The following CADPS2 variants were observed in gnomAD, a reference collection of about 807,000 sequenced individuals.
CADPS2 encodes calcium-dependent secretion activator 2.
CADPS2 carries 93 observed loss-of-function variants against 172.5 expected under a neutral mutation model. The observed-to-expected ratio is 0.54, with a 90% confidence interval of 0.46 to 0.64. CADPS2 has a LOEUF of 0.64. Among genes scored for constraint, CADPS2 ranks in the 30% least tolerant of loss-of-function variants. The pLI is 0.00. For synonymous variants in CADPS2, 546 were observed against 555.2 expected, an observed-to-expected ratio of 0.98 and a Z score of 0.23; for missense variants, 1,420 against 1,565.9, an observed-to-expected ratio of 0.91 and a Z score of 1.57.
chr7:122,565,485 T>C (rs1158266312), intron 7 of CADPS2, among the ~76,000 whole-genome samples: 1 of 152,182 alleles, frequency 6.6e-6, no homozygotes, highest in Non-Finnish European at 1.5e-5. Context: ...GCCTCATGGC[T>C]ACTATGGCAG....
chr7:122,483,417 T>C (rs184509540), intron 11 of CADPS2, among the ~76,000 whole-genome samples: 155 of 152,060 alleles, frequency 1.0e-3, no homozygotes, highest in Non-Finnish European at 2.0e-3. Flanking sequence ...TTTTCGTATA[T>C]AAAGAAGCTA....
intron 25 of CADPS2, among the ~76,000 whole-genome samples, chr7:122,361,756 C>T (rs928024420): frequency 6.6e-6 from 1 of 152,020 alleles, no homozygotes; most frequent in South Asian, 2.1e-4. Flanking sequence ...TTTTCTACAT[C>T]TACACAGGAG....
At chr7:122,408,180 A>AT (rs35514146) in intron 19 of CADPS2, among the ~76,000 whole-genome samples, 13,778 of 141,388 alleles carry the variant, frequency 0.097, 859 homozygotes, top group African/African-American at 0.19. Flanking sequence ...ATATACTGTT[A>AT]TTTTTTTTTT....
intron 20 of CADPS2, among the ~76,000 whole-genome samples, chr7:122,407,248 T>TCCACTCCTA (rs2046761303): frequency 6.6e-6 from 1 of 152,162 alleles, no homozygotes; most frequent in Non-Finnish European, 1.5e-5. Context: ...TTTGAAGATT[T>TCCACTCCTA]TCAGATTCAT....
intron 19 of CADPS2, among the ~76,000 whole-genome samples, chr7:122,408,249 C>T (rs2046901168): frequency 1.3e-5 from 2 of 151,226 alleles, no homozygotes; most frequent in East Asian, 1.9e-4. Context: ...TCAATGATAG[C>T]GTAGTAAATA....
chr7:122,461,279 A>G lies in CADPS2; in HGVS notation c.2187-9804T>C, dbSNP rs150005022. On this transcript the variant is annotated intron_variant, in intron 14 of 29. Coordinates refer to ENST00000449022, the MANE Select transcript of CADPS2 (RefSeq NM_017954.11). ...TGGGTAATTGGAGCTTCAGATGAGAAGAAAAAGATTGTAGAAGAGACAATA... is the reference window on the plus strand; with the variant it reads ...TGGGTAATTGGAGCTTCAGATGAGAGGAAAAAGATTGTAGAAGAGACAATA... Among the ~76,000 whole-genome samples, 997 of 152,328 alleles carry G rather than the reference A, an allele frequency of 6.5e-3. 9 individuals carry two copies. Among genetic ancestry groups the G allele is most frequent in the Middle Eastern group, 0.027 (8 of 294 alleles).
intron 8 of CADPS2, among the ~76,000 whole-genome samples, chr7:122,541,821 G>GTTTATATATTCATATATA (rs1267337762): frequency 8.6e-5 from 6 of 69,666 alleles, no homozygotes; most frequent in East Asian, 4.0e-4. Flanking sequence ...ATATTCATAT[G>GTTTATATATTCATATATA]TTTATATATT....
At chr7:122,436,243 G>T (rs1298194802) in intron 17 of CADPS2, 2 of 466,386 alleles carry the variant, frequency 4.3e-6, no homozygotes, top group African/African-American at 2.2e-5. Context: ...AATTCATCAA[G>T]TTGTGTACAT....
At position 122,780,785 on chromosome 7, in the gene CADPS2, T is replaced by C. The variant is rs145024199; in HGVS notation, c.340-43717A>G. Reference sequence around the variant, plus strand: ...AGCCTCCCAAAGTGTTAGCCGTTCTTTTAAGGGCTGTATAATAGTATATGG... The same window carrying C: ...AGCCTCCCAAAGTGTTAGCCGTTCTCTTAAGGGCTGTATAATAGTATATGG... On this transcript the variant is annotated intron_variant, in intron 1 of 29. Transcript: ENST00000449022. Among the ~76,000 whole-genome samples the C allele has an allele frequency of 4.8e-4, 73 of 152,276 alleles. No homozygotes were observed. The East Asian group carries it at 0.013, about 27-fold the overall frequency.
intron 1 of CADPS2, among the ~76,000 whole-genome samples, chr7:122,780,154 A>G (rs1792307448): frequency 6.6e-6 from 1 of 152,154 alleles, no homozygotes; most frequent in African/African-American, 2.4e-5. Context: ...ATTTCTGTAC[A>G]CATATAATTT....
intron 27 of CADPS2, 53 bp downstream of exon 27, chr7:122,360,734 AT>A (rs143500261): frequency 5.4e-5 from 79 of 1,473,324 alleles, no homozygotes; most frequent in South Asian, 6.5e-5. Context: ...ATGAACTGCA[AT>A]TTTTTTTTAA....
chr7:122,580,722 G>A (rs937975272), intron 7 of CADPS2, among the ~76,000 whole-genome samples: 1 of 152,066 alleles, frequency 6.6e-6, no homozygotes, highest in Non-Finnish European at 1.5e-5. Context: ...CTTTTCATGG[G>A]GAAAGTGGAA....
chr7:122,717,174 T>C lies in CADPS2; in HGVS notation c.453+19781A>G, dbSNP rs1442692936. Among the ~76,000 whole-genome samples the C allele has an allele frequency of 2.6e-5, 4 of 152,146 alleles. No individual in the cohort carries two copies. The East Asian group carries it at 7.7e-4, about 29-fold the overall frequency. On this transcript the variant is annotated intron_variant, in intron 2 of 29. Transcript: ENST00000449022. ...TATTTTCAACATACTTGTCTTTATC[T>C]TTCACTTGTTATAATTGTGAGTTAA...
At chr7:122,783,777 G>C (rs1431393339) in intron 1 of CADPS2, among the ~76,000 whole-genome samples, 1 of 152,166 alleles carries the variant, frequency 6.6e-6, no homozygotes, top group African/African-American at 2.4e-5. Context: ...GTACATCAAA[G>C]GTTAGCCTTA....
At chr7:122,675,680 G>A (rs999678872) in intron 2 of CADPS2, among the ~76,000 whole-genome samples, 5 of 152,166 alleles carry the variant, frequency 3.3e-5, no homozygotes, top group East Asian at 1.9e-4. Context: ...GAATGTGGAC[G>A]AAGCTGGAAG....
chr7:122,443,682 TTA>T (rs1369231582), intron 15 of CADPS2, among the ~76,000 whole-genome samples: 1 of 142,284 alleles, frequency 7.0e-6, no homozygotes, highest in East Asian at 2.0e-4. Context: ...CAGAAATCCT[TTA>T]TGTCAGTTCC....
chr7:122,597,252 T>C (rs1029894502), intron 6 of CADPS2, among the ~76,000 whole-genome samples: 3 of 152,026 alleles, frequency 2.0e-5, no homozygotes, highest in Non-Finnish European at 4.4e-5. Context: ...TTTCTAAAAA[T>C]AGAAACACTA....
chr7:122,563,695 C>T (rs932163244), intron 7 of CADPS2, among the ~76,000 whole-genome samples: 6 of 151,930 alleles, frequency 3.9e-5, no homozygotes, highest in African/African-American at 9.7e-5. Context: ...ATACGGTGGT[C>T]GGATGGAAAA....
chr7:122,750,482 G>A (rs1027234911), intron 1 of CADPS2, among the ~76,000 whole-genome samples: 2 of 151,954 alleles, frequency 1.3e-5, no homozygotes, highest in Non-Finnish European at 2.9e-5. Context: ...GGATTGTCCT[G>A]TTTCTATGCC....
Sources: gnomAD v4.1 joint callset for allele counts (sites outside exome capture counted in the v4.1 genomes callset) on GRCh38, gnomAD v4.1.1 for gene constraint, MANE v1.5 for transcripts, NCBI Gene and HGNC (gene_info 2026-07-23, HGNC 2026-07-21) for gene names.